The following LAMP3 variants were observed in gnomAD, a reference collection of about 807,000 sequenced individuals.
LAMP3 encodes the protein lysosome-associated membrane glycoprotein 3.
In LAMP3, 26 loss-of-function variants were observed where a neutral mutation model predicts 34.8. That is an observed-to-expected ratio of 0.75 (90% CI 0.55 to 1.04). LAMP3 has a LOEUF of 1.04. Ranked by LOEUF, LAMP3 falls within the 50% of genes least tolerant of loss-of-function variation. The pLI, the probability that LAMP3 is intolerant of heterozygous loss-of-function variation, is 0.00. For missense variants in LAMP3, 495 were observed against 524.0 expected, an observed-to-expected ratio of 0.94 and a Z score of 0.54; for synonymous variants, 180 against 201.9, an observed-to-expected ratio of 0.89 and a Z score of 0.92.
At chr3:183,134,025 T>G (rs1369843347) in intron 5 of LAMP3, among the ~76,000 whole-genome samples, 1 of 152,238 alleles carries the variant, frequency 6.6e-6, no homozygotes, top group African/African-American at 2.4e-5. Flanking sequence ...AAACACCATA[T>G]AGTATGGTAA....
At chr3:183,144,076 C>G (rs759891218) in intron 3 of LAMP3, among the ~76,000 whole-genome samples, 2 of 152,178 alleles carry the variant, frequency 1.3e-5, no homozygotes, top group Non-Finnish European at 2.9e-5. Flanking sequence ...ATAGTCCCAG[C>G]TGTTCAGGAT....
intron 3 of LAMP3, among the ~76,000 whole-genome samples, chr3:183,142,411 C>G (rs969519294): frequency 6.6e-6 from 1 of 152,064 alleles, no homozygotes; most frequent in Admixed American, 6.6e-5. Flanking sequence ...TTTGGTGTCT[C>G]CCTGACCTGT....
chr3:183,133,573 C>T (rs1719991590), intron 5 of LAMP3, among the ~76,000 whole-genome samples: 1 of 152,152 alleles, frequency 6.6e-6, no homozygotes, highest in Non-Finnish European at 1.5e-5. Flanking sequence ...CCAGGCTGGT[C>T]TCATAGTCCT....
intron 3 of LAMP3, 119 bp downstream of exon 3, chr3:183,152,256 C>A: frequency 1.8e-6 from 2 of 1,131,162 alleles, no homozygotes; most frequent in Non-Finnish European, 2.5e-6. Context: ...TCCCCAAACC[C>A]CTCATTCTTA....
At chr3:183,127,852 C>T (rs1049963270) in intron 5 of LAMP3, among the ~76,000 whole-genome samples, 2 of 152,140 alleles carry the variant, frequency 1.3e-5, no homozygotes, top group African/African-American at 4.8e-5. Context: ...TTCTGACTGG[C>T]TGGGCACGGT....
At chr3:183,137,477 T>G (rs1720133016) in intron 4 of LAMP3, among the ~76,000 whole-genome samples, 1 of 152,242 alleles carries the variant, frequency 6.6e-6, no homozygotes, top group African/African-American at 2.4e-5. Context: ...TCTGGTCTGC[T>G]TAGTAGTTAC....
At chr3:183,149,560 AAAAAAAAAAAAAAAATATATATAT>A (rs1304051915) in intron 3 of LAMP3, among the ~76,000 whole-genome samples, 17 of 27,586 alleles carry the variant, frequency 6.2e-4, no homozygotes, top group East Asian at 5.2e-3. Context: ...AAAAAAAAAA[AAAAAAAAAAAAAAAATATATATAT>A]ATATATATAT....
intron 5 of LAMP3, among the ~76,000 whole-genome samples, chr3:183,133,191 G>A (rs937520767): frequency 6.6e-6 from 1 of 152,196 alleles, no homozygotes; most frequent in Admixed American, 6.5e-5. Context: ...CCAGACACAT[G>A]CCCAAGAAAT....
intron 3 of LAMP3, among the ~76,000 whole-genome samples, chr3:183,149,472 G>A (rs1188155693): frequency 6.8e-6 from 1 of 146,960 alleles, no homozygotes; most frequent in African/African-American, 2.5e-5. Flanking sequence ...TTGAACCTGA[G>A]AGGCGGAGGT....
intron 3 of LAMP3, among the ~76,000 whole-genome samples, chr3:183,145,006 T>C (rs1031195208): frequency 1.3e-5 from 2 of 152,134 alleles, no homozygotes; most frequent in African/African-American, 4.8e-5. Flanking sequence ...ACCTCTCCTC[T>C]CTTGATGGTT....
At chr3:183,133,891 T>C (rs1465971739) in intron 5 of LAMP3, among the ~76,000 whole-genome samples, 1 of 152,198 alleles carries the variant, frequency 6.6e-6, no homozygotes, top group Non-Finnish European at 1.5e-5. Flanking sequence ...TCCTCTCCAG[T>C]TCTTCGATCC....
chr3:183,155,153 G>A (rs1300037637), intron 1 of LAMP3, among the ~76,000 whole-genome samples: 5 of 152,100 alleles, frequency 3.3e-5, no homozygotes, highest in Non-Finnish European at 5.9e-5. Flanking sequence ...CTTGTGATCC[G>A]CCTGCCTCAG....
intron 1 of LAMP3, among the ~76,000 whole-genome samples, chr3:183,158,700 C>T (rs1452053264): frequency 3.3e-5 from 5 of 152,190 alleles, no homozygotes; most frequent in South Asian, 2.1e-4. Flanking sequence ...TAGGTATTTT[C>T]CTGACAGCCA....
At chr3:183,151,017 A>G (rs776380972) in intron 3 of LAMP3, among the ~76,000 whole-genome samples, 29 of 152,206 alleles carry the variant, frequency 1.9e-4, no homozygotes, top group Non-Finnish European at 3.4e-4. Flanking sequence ...TGTATGCTCC[A>G]GGAGAATAAA....
At chr3:183,127,610 T>TG (rs889454344) in intron 5 of LAMP3, among the ~76,000 whole-genome samples, 9 of 152,342 alleles carry the variant, frequency 5.9e-5, no homozygotes, top group African/African-American at 2.2e-4. Flanking sequence ...TGCATTTCAA[T>TG]GGCCTGTTAA....
At chr3:183,130,702 G>T (rs541663712) in intron 5 of LAMP3, among the ~76,000 whole-genome samples, 1 of 152,256 alleles carries the variant, frequency 6.6e-6, no homozygotes, top group African/African-American at 2.4e-5. Flanking sequence ...GAAACTAGCT[G>T]CAGCCTGGAG....
chr3:183,153,841 A>G lies in LAMP3; in HGVS notation c.600T>C (p.Asn200=), dbSNP rs1576886939. The G allele has an allele frequency of 6.2e-7, 1 of 1,608,124 alleles. No individual in the cohort carries two copies. Among genetic ancestry groups the G allele is most frequent in the Non-Finnish European group, 8.5e-7 (1 of 1,176,496 alleles). ...HAPGTTAAAH[N]TTRTAAPAST... ...AGGCAGGTGCAGCTGTGCGGGTGGT[A>G]TTGTGGGCAGCTGCCGTTGTTCCTG... The change falls in exon 2 of 6, where the codon AAT becomes AAC. Residue 200 remains asparagine, a synonymous_variant. Transcript: ENST00000265598.
At chr3:183,155,164 C>A (rs1476265939) in intron 1 of LAMP3, among the ~76,000 whole-genome samples, 1 of 152,194 alleles carries the variant, frequency 6.6e-6, no homozygotes, top group African/African-American at 2.4e-5. Context: ...CCTGCCTCAG[C>A]CTTTCAAAGT....
At chr3:183,135,590 G>A in intron 5 of LAMP3, 127 bp downstream of exon 5, 2 of 903,110 alleles carry the variant, frequency 2.2e-6, no homozygotes, top group Middle Eastern at 3.5e-4. Flanking sequence ...TGAGCTATGT[G>A]GAATCACACC....
Sources: allele counts gnomAD v4.1 joint callset (sites outside exome capture counted in the v4.1 genomes callset), GRCh38; gene constraint gnomAD v4.1.1; transcripts MANE v1.5; gene names NCBI Gene and HGNC (gene_info 2026-07-23, HGNC 2026-07-21).